Variants in ANKRD50 observed in about 807,000 individuals in gnomAD.
The protein encoded by ANKRD50 is ankyrin repeat domain 50.
Under a neutral mutation model 112.0 loss-of-function variants are expected in ANKRD50, and 40 were observed. The observed-to-expected ratio is 0.36, with a 90% CI of 0.28 to 0.46. ANKRD50 has a LOEUF of 0.46. ANKRD50 is among the 20% of genes least tolerant of loss of function. The pLI is 1.00. For synonymous variants in ANKRD50, 613 were observed against 619.1 expected (o/e 0.99, Z 0.15); for missense variants, 1,487 against 1,701.7 (o/e 0.87, Z 2.22).
chr4:124,703,235 C>G (rs1362549288), intron 2 of ANKRD50, among the ~76,000 whole-genome samples: 1 of 151,912 alleles, frequency 6.6e-6, no homozygotes, highest in East Asian at 1.9e-4. Flanking sequence ...TCATTTAAAG[C>G]CTAAAGGCAA....
intron 2 of ANKRD50, among the ~76,000 whole-genome samples, chr4:124,692,725 A>C (rs759367502): frequency 5.3e-5 from 8 of 152,176 alleles, no homozygotes; most frequent in Non-Finnish European, 8.8e-5. Context: ...TGAACAAAGA[A>C]ACAGGACCTG....
In ANKRD50 at chr4:124,689,414, C is replaced by T. The variant is rs1250915669; in HGVS notation, c.513-10509G>A. On this transcript the variant is annotated intron_variant, in intron 2 of 4. Coordinates refer to ENST00000504087, the MANE Select transcript of ANKRD50 (RefSeq NM_020337.3). The stretch of plus-strand genomic sequence containing the variant: ...TTGACTGGGTGACAGGGTGCCCAGA[C>T]ATTTGGTCAAATATTAATGCAGGTA... 3.9e-5 allele frequency among the ~76,000 whole-genome samples: 6 copies of T among 152,242 alleles called. No homozygotes were observed. The South Asian group carries it at 1.2e-3, about 32-fold the overall frequency.
intron 4 of ANKRD50, among the ~76,000 whole-genome samples, chr4:124,668,390 G>A (rs965185615): frequency 1.3e-5 from 2 of 151,930 alleles, no homozygotes; most frequent in Non-Finnish European, 1.5e-5. Flanking sequence ...CTAAGTTTTT[G>A]ACTTCTTTCT....
In ANKRD50 at chr4:124,672,071, A is replaced by G. The variant is rs1466172487; in HGVS notation, c.1206T>C (p.Asn402=). 6.2e-7 allele frequency: 1 copy of G among 1,613,918 alleles called. No homozygotes were observed. Among genetic ancestry groups the G allele is most frequent in the Non-Finnish European group, 8.5e-7 (1 of 1,179,876 alleles). The part of the protein sequence containing the change: ...LSKLLVDGLG[N]TKILFHYSFA... ...AACTATAATGAAACAGTATTTTTGT[A>G]TTTCCTAGTCCATCAACAAGAAGTT... The change falls in exon 4 of 5, where the codon AAT becomes AAC. Residue 402 remains asparagine (N), a synonymous_variant. Coordinates refer to ENST00000504087, the MANE Select transcript of ANKRD50 (RefSeq NM_020337.3).
At chr4:124,682,419 T>C (rs976277176) in intron 2 of ANKRD50, among the ~76,000 whole-genome samples, 1 of 151,638 alleles carries the variant, frequency 6.6e-6, no homozygotes, top group Non-Finnish European at 1.5e-5. Flanking sequence ...TCGGTAACAG[T>C]ATTGTCCAAG....
chr4:124,688,293 C>T (rs4833998), intron 2 of ANKRD50, among the ~76,000 whole-genome samples: 149,385 of 152,314 alleles, frequency 0.98, 73,327 homozygotes, highest in East Asian at 1. Context: ...ATTGCATTTA[C>T]ATGACACATG....
chr4:124,689,911 A>G (rs1725096138), intron 2 of ANKRD50, among the ~76,000 whole-genome samples: 1 of 76,752 alleles, frequency 1.3e-5, no homozygotes, highest in Non-Finnish European at 2.6e-5. Context: ...TATTAAATTT[A>G]CTCTTACATA....
intron 3 of ANKRD50, among the ~76,000 whole-genome samples, chr4:124,677,732 C>T (rs548365690): frequency 5.9e-5 from 9 of 151,712 alleles, no homozygotes; most frequent in Non-Finnish European, 8.8e-5. Flanking sequence ...AGATGGTGTA[C>T]GGAGTGTTTC....
chr4:124,693,126 A>T (rs985697471), intron 2 of ANKRD50, among the ~76,000 whole-genome samples: 1 of 152,186 alleles, frequency 6.6e-6, no homozygotes, highest in African/African-American at 2.4e-5. Flanking sequence ...AGAGTATAAG[A>T]TAAGAGCATG....
Position 124,669,643 on chromosome 4 carries a change from A to C in ANKRD50, c.3634T>G (p.Leu1212Val), listed in dbSNP as rs1264623586. 3 of 1,613,232 alleles carry C rather than the reference A, an allele frequency of 1.9e-6. No individual in the cohort carries two copies. The East Asian group carries it at 6.7e-5, about 36-fold the overall frequency. Reference protein sequence around the residue: ...QTVPIDSFHNLSFTEQIQQHS... With the variant: ...QTVPIDSFHNVSFTEQIQQHS... ...TGCTGAATTTGTTCTGTAAATGACA[A>C]GTTATGAAAGCTATCAATTGGCACT... Residue 1212 changes from leucine to valine, a missense_variant, in exon 4 of 5, where the codon TTG becomes GTG. Around this residue, in one of 2 missense-constraint regions of ANKRD50, gnomAD observed 441 missense variants for 432.2 expected, o/e 1.02. Transcript: ENST00000504087.
At chr4:124,694,855 G>A (rs2110521915) in intron 2 of ANKRD50, among the ~76,000 whole-genome samples, 1 of 152,096 alleles carries the variant, frequency 6.6e-6, no homozygotes, top group African/African-American at 2.4e-5. Context: ...GAACAAAGAT[G>A]TAGAAATGGT....
chr4:124,667,374 T>A lies in ANKRD50; in HGVS notation c.*144A>T, dbSNP rs1730519863. 6.6e-6 allele frequency: 1 copy of A among 152,024 alleles called. No individual in the cohort carries two copies. The highest frequency in any genetic ancestry group is 6.6e-5 in the Admixed American group (1 of 15,236). The allele number at this position is 152,024 out of a possible 1,614,324, so 9.4% of individuals were successfully genotyped here. ...AGGCAGCCTTACTATTTAGGCACAT[T>A]ACAGTAATTAAGGTAACTGTACTGC... On this transcript the variant is annotated 3_prime_UTR_variant, in exon 5 of 5. Transcript: ENST00000504087.
Position 124,672,322 on chromosome 4 carries a change from T to C in ANKRD50, c.955A>G (p.Met319Val). 4 of 1,613,386 alleles carry C rather than the reference T, an allele frequency of 2.5e-6. No homozygotes were observed. Among genetic ancestry groups the C allele is most frequent in the Non-Finnish European group, 3.4e-6 (4 of 1,179,714 alleles). The change falls in exon 4 of 5, where the codon ATG (methionine) becomes GTG (valine). Residue 319 changes from methionine to valine, a missense_variant. Met to Val is a conservative substitution (Grantham distance 21). Coordinates refer to ENST00000504087, the MANE Select transcript of ANKRD50 (RefSeq NM_020337.3). Reference sequence around the variant, plus strand: ...GGGATGTCACGAATTTCTCTTAACATAATAAAATTTTCTACAACTCCATCT... The same window carrying C: ...GGGATGTCACGAATTTCTCTTAACACAATAAAATTTTCTACAACTCCATCT... Reference protein sequence around the residue: ...VLDGVVENFIMLREIRDIPGT... With the variant: ...VLDGVVENFIVLREIRDIPGT...
At chr4:124,708,785 T>C (rs572663427) in intron 2 of ANKRD50, among the ~76,000 whole-genome samples, 6 of 151,524 alleles carry the variant, frequency 4.0e-5, no homozygotes, top group Admixed American at 3.3e-4. Context: ...GAACAATTTA[T>C]TTAGCCTCTC....
intron 2 of ANKRD50, among the ~76,000 whole-genome samples, chr4:124,697,875 A>G (rs1292242540): frequency 6.6e-6 from 1 of 151,990 alleles, no homozygotes. Context: ...TATGTCAGGT[A>G]TTTCTGCTGC....
rs548469161 is a variant in ANKRD50, at chr4:124,669,447, G to A, written c.3830C>T (p.Ala1277Val). 9 of 1,612,618 alleles carry A rather than the reference G, an allele frequency of 5.6e-6. No individual in the cohort carries two copies. In the South Asian group the frequency reaches 7.7e-5, roughly 14 times the overall value. The change falls in exon 4 of 5, where the codon GCC (alanine) becomes GTC (valine). Residue 1277 changes from alanine to valine, a missense_variant. By Grantham distance (64) the Ala-to-Val change is moderately conservative (BLOSUM62 0). Transcript: ENST00000504087. Reference protein sequence around the residue: ...ASKGGKSENSAKSGSAGKKAK... With the variant: ...ASKGGKSENSVKSGSAGKKAK... ...TTTTTTCCCAGCTGATCCAGACTTGGCAGAATTTTCTGATTTCCCCCCTTT... is the reference window on the plus strand; with the variant it reads ...TTTTTTCCCAGCTGATCCAGACTTGACAGAATTTTCTGATTTCCCCCCTTT...
intron 2 of ANKRD50, among the ~76,000 whole-genome samples, chr4:124,706,666 A>G (rs1725509516): frequency 6.6e-6 from 1 of 152,122 alleles, no homozygotes; most frequent in South Asian, 2.1e-4. Context: ...TGTTTCACAC[A>G]TGAATACGGA....
intron 3 of ANKRD50, among the ~76,000 whole-genome samples, chr4:124,677,233 C>T (rs1161328464): frequency 6.6e-6 from 1 of 151,618 alleles, no homozygotes; most frequent in Non-Finnish European, 1.5e-5. Context: ...GTAAATTTAA[C>T]TGGAGTTCAA....
intron 2 of ANKRD50, among the ~76,000 whole-genome samples, chr4:124,691,862 A>G (rs1380597972): frequency 6.6e-6 from 1 of 152,234 alleles, no homozygotes; most frequent in African/African-American, 2.4e-5. Context: ...TCTACTTGAA[A>G]GCAGTACACA....
Sources: gnomAD v4.1 joint callset for allele counts (sites outside exome capture counted in the v4.1 genomes callset) on GRCh38, gnomAD v4.1.1 for gene constraint, gnomAD v4.1.1 regional missense constraint, MANE v1.5 for transcripts, NCBI Gene and HGNC (gene_info 2026-07-23, HGNC 2026-07-21) for gene names.